AUTS2: variants seen among roughly 807,000 people sequenced by gnomAD.
AUTS2 encodes autism susceptibility gene 2 protein.
A neutral mutation model predicts 112.4 loss-of-function variants in AUTS2; 17 were observed. The ratio of observed to expected loss-of-function variants is 0.15; its 90% confidence interval spans 0.10 to 0.23. AUTS2 has a LOEUF of 0.23. Among genes scored for constraint, AUTS2 ranks in the 10% least tolerant of loss-of-function variants. AUTS2 has a pLI of 1.00. For missense variants in AUTS2, 1,510 were observed against 1,701.6 expected (o/e 0.89, Z 1.98); for synonymous variants, 751 against 702.7 (o/e 1.07, Z -1.09).
chr7:70,658,134 T>C (rs1055098340), intron 5 of AUTS2, among the ~76,000 whole-genome samples: 9 of 152,210 alleles, frequency 5.9e-5, no homozygotes, highest in African/African-American at 2.2e-4. Context: ...GCCTCAACTA[T>C]CCTGGACAGT....
At chr7:69,804,659 C>G (rs1340654333) in intron 1 of AUTS2, among the ~76,000 whole-genome samples, 2 of 152,132 alleles carry the variant, frequency 1.3e-5, no homozygotes, top group Non-Finnish European at 2.9e-5. Flanking sequence ...ATCATGAACC[C>G]CACAGTTACA....
At chr7:69,798,800 G>T (rs746159027) in intron 1 of AUTS2, among the ~76,000 whole-genome samples, 6 of 152,072 alleles carry the variant, frequency 3.9e-5, no homozygotes, top group Non-Finnish European at 8.8e-5. Context: ...AGATCAGCCT[G>T]GACAACATAG....
At chr7:69,997,606 T>C (rs1799004551) in intron 2 of AUTS2, among the ~76,000 whole-genome samples, 1 of 152,150 alleles carries the variant, frequency 6.6e-6, no homozygotes, top group Admixed American at 6.5e-5. Context: ...AAGTGTTTAC[T>C]AATGGCAGAA....
chr7:69,923,612 TCTTA>T (rs1490402114), intron 2 of AUTS2, among the ~76,000 whole-genome samples: 26 of 152,334 alleles, frequency 1.7e-4, no homozygotes, highest in Middle Eastern at 3.4e-3. Context: ...TCTATTTAGA[TCTTA>T]CTTATTTCCT....
intron 5 of AUTS2, among the ~76,000 whole-genome samples, chr7:70,647,524 A>G (rs1406242955): frequency 1.3e-5 from 2 of 152,252 alleles, no homozygotes; most frequent in Non-Finnish European, 2.9e-5. Context: ...TAAGCAAGAA[A>G]TAAAGTGATG....
chr7:70,219,746 A>G (rs1297604327), intron 4 of AUTS2, among the ~76,000 whole-genome samples: 1 of 151,792 alleles, frequency 6.6e-6, no homozygotes, highest in African/African-American at 2.4e-5. Context: ...TAATTTTTGT[A>G]TTTTTAGTAG....
rs1307377989 is a variant in AUTS2, at chr7:70,763,089, A to G, written c.962A>G (p.Asp321Gly). The G allele has an allele frequency of 6.2e-7, 1 of 1,613,996 alleles. No homozygotes were observed. The highest frequency in any genetic ancestry group is 8.5e-7 in the Non-Finnish European group (1 of 1,180,018). ...TEPQLRAPSP[D>G]PDLVQRTEAP... is the part of the protein sequence containing the mutation. ...CCCCAACTCCGAGCTCCTTCTCCGG[A>G]CCCTGACTTGGTGCAGCGCACAGAG... The change falls in exon 7 of 19, where the codon GAC (aspartate) becomes GGC (glycine). Residue 321 changes from aspartate (D) to glycine (G), a missense_variant. Coordinates refer to ENST00000342771, the MANE Select transcript of AUTS2 (RefSeq NM_015570.4).
chr7:70,194,975 T>G (rs1202281227), intron 4 of AUTS2, among the ~76,000 whole-genome samples: 1 of 152,200 alleles, frequency 6.6e-6, no homozygotes, highest in Non-Finnish European at 1.5e-5. Context: ...CCTATAATAT[T>G]TCTTCAGCAT....
At chr7:70,699,239 T>C (rs1189918202) in intron 6 of AUTS2, 3 of 152,192 alleles carry the variant, frequency 2.0e-5, no homozygotes, top group Non-Finnish European at 4.4e-5. Context: ...AGCAGTATCG[T>C]TGGAAATAAG....
intron 4 of AUTS2, among the ~76,000 whole-genome samples, chr7:70,183,427 G>A (rs1809427820): frequency 6.6e-6 from 1 of 152,184 alleles, no homozygotes; most frequent in Non-Finnish European, 1.5e-5. Flanking sequence ...TGACAAATGT[G>A]TTAATTATTG....
At chr7:70,531,813 G>A (rs1208160730) in intron 5 of AUTS2, among the ~76,000 whole-genome samples, 1 of 152,146 alleles carries the variant, frequency 6.6e-6, no homozygotes, top group African/African-American at 2.4e-5. Flanking sequence ...AGGAGAGGGT[G>A]TCAGTTAGCT....
intron 5 of AUTS2, among the ~76,000 whole-genome samples, chr7:70,506,062 C>G (rs1371990383): frequency 3.9e-5 from 6 of 152,172 alleles, no homozygotes; most frequent in Admixed American, 3.9e-4. Flanking sequence ...GCACAGAGCA[C>G]TGGAACACGG....
chr7:69,991,602 C>G (rs527575939), intron 2 of AUTS2, among the ~76,000 whole-genome samples: 7 of 152,212 alleles, frequency 4.6e-5, no homozygotes, highest in African/African-American at 1.4e-4. Flanking sequence ...TTGTTTACCA[C>G]ATGACAAGAG....
intron 5 of AUTS2, among the ~76,000 whole-genome samples, chr7:70,656,721 T>G (rs966831818): frequency 6.6e-6 from 1 of 152,192 alleles, no homozygotes; most frequent in Non-Finnish European, 1.5e-5. Flanking sequence ...TTCTAGCACT[T>G]AAGTTCCAGT....
intron 2 of AUTS2, among the ~76,000 whole-genome samples, chr7:69,971,047 G>A (rs1315301154): frequency 5.3e-5 from 8 of 152,080 alleles, no homozygotes; most frequent in Admixed American, 1.3e-4. Flanking sequence ...GTGTGGTAGC[G>A]TGTGTCTGTG....
At chr7:70,752,567 G>T (rs1451398408) in intron 6 of AUTS2, among the ~76,000 whole-genome samples, 1 of 152,096 alleles carries the variant, frequency 6.6e-6, no homozygotes, top group African/African-American at 2.4e-5. Context: ...AAAAACGAAA[G>T]ATCAGGACCA....
intron 1 of AUTS2, among the ~76,000 whole-genome samples, chr7:69,703,556 A>G (rs554572190): frequency 6.6e-6 from 1 of 152,336 alleles, no homozygotes; most frequent in East Asian, 1.9e-4. Context: ...AGAGCTGATC[A>G]TTATACTTTT....
chr7:70,159,636 C>CT (rs1807970273), intron 4 of AUTS2, among the ~76,000 whole-genome samples: 1 of 152,104 alleles, frequency 6.6e-6, no homozygotes, highest in South Asian at 2.1e-4. Flanking sequence ...CCATGCAATG[C>CT]TGGGGGTGTT....
At chr7:69,723,024 A>T (rs1799045151) in intron 1 of AUTS2, among the ~76,000 whole-genome samples, 1 of 152,034 alleles carries the variant, frequency 6.6e-6, no homozygotes, top group African/African-American at 2.4e-5. Flanking sequence ...CTACCATAGA[A>T]CTGTTCAGAA....
Sources: allele counts gnomAD v4.1 joint callset (sites outside exome capture counted in the v4.1 genomes callset), GRCh38; gene constraint gnomAD v4.1.1; transcripts MANE v1.5; gene names NCBI Gene and HGNC (gene_info 2026-07-23, HGNC 2026-07-21).